Variants in PLPPR1 observed in about 807,000 individuals in gnomAD.
PLPPR1 encodes the protein phospholipid phosphatase related 1.
Under a neutral mutation model 33.1 loss-of-function variants are expected in PLPPR1, and 10 were observed. The observed-to-expected ratio is 0.30, with a 90% confidence interval of 0.19 to 0.51. The LOEUF is 0.51. Ranked by LOEUF, PLPPR1 falls within the 20% of genes least tolerant of loss-of-function variation. The probability of loss-of-function intolerance (pLI) is 0.97; values close to 1 mark genes in which losing one functional copy is unlikely to be tolerated. For missense variants in PLPPR1, 304 were observed against 408.1 expected (o/e 0.74, Z 2.20); for synonymous variants, 151 against 151.0 (o/e 1.00, Z 0.00).
intron 3 of PLPPR1, among the ~76,000 whole-genome samples, chr9:101,275,446 G>T (rs572763304): frequency 2.0e-5 from 3 of 152,322 alleles, no homozygotes; most frequent in Admixed American, 1.3e-4. Flanking sequence ...GGGATAAATC[G>T]CAAAAGGCCA....
rs568654490 is a variant in PLPPR1 at position 101,181,681 on chromosome 9, T to C, written c.-45-3769T>C. Among the ~76,000 whole-genome samples, 154 of 147,716 alleles carry C rather than the reference T, an allele frequency of 1.0e-3. 1 individual carries two copies. Among genetic ancestry groups the C allele is most frequent in the African/African-American group, 3.7e-3 (148 of 40,120 alleles). ...GTATGTATATGTATATATATGTATA[T>C]ACACACACACATACATATATACACA... On this transcript the variant is annotated intron_variant, in intron 1 of 7. Coordinates refer to ENST00000374874, the MANE Select transcript of PLPPR1 (RefSeq NM_207299.2).
intron 1 of PLPPR1, among the ~76,000 whole-genome samples, chr9:101,184,359 T>C (rs575311294): frequency 6.6e-5 from 10 of 151,980 alleles, no homozygotes; most frequent in African/African-American, 2.4e-4. Flanking sequence ...AGTTTCATTC[T>C]GGAAAAGGGC....
At chr9:101,157,252 T>A (rs1445452740) in intron 1 of PLPPR1, among the ~76,000 whole-genome samples, 4 of 152,188 alleles carry the variant, frequency 2.6e-5, no homozygotes, top group Non-Finnish European at 1.5e-5. Context: ...TAAAATTCAC[T>A]TGCCAAGTGA....
chr9:101,316,376 G>T (rs1829049728), intron 6 of PLPPR1, among the ~76,000 whole-genome samples: 1 of 151,930 alleles, frequency 6.6e-6, no homozygotes, highest in Non-Finnish European at 1.5e-5. Flanking sequence ...GGCAGAGCTT[G>T]CAGTGAGCCG....
intron 2 of PLPPR1, among the ~76,000 whole-genome samples, chr9:101,210,140 C>T (rs1347548449): frequency 1.3e-5 from 2 of 152,174 alleles, no homozygotes; most frequent in Non-Finnish European, 2.9e-5. Flanking sequence ...GCTAACACTA[C>T]AAATAGTGGC....
chr9:101,123,448 G>C (rs545736419), intron 1 of PLPPR1, among the ~76,000 whole-genome samples: 1 of 152,230 alleles, frequency 6.6e-6, no homozygotes, highest in African/African-American at 2.4e-5. Flanking sequence ...GGGGTGATCA[G>C]ACCCAACACC....
chr9:101,171,674 G>T (rs1825944047), intron 1 of PLPPR1, among the ~76,000 whole-genome samples: 1 of 152,110 alleles, frequency 6.6e-6, no homozygotes. Context: ...TCATCTATTG[G>T]TGAAATCTAT....
intron 1 of PLPPR1, among the ~76,000 whole-genome samples, chr9:101,176,631 C>T (rs1826023293): frequency 6.6e-6 from 1 of 152,096 alleles, no homozygotes; most frequent in Admixed American, 6.5e-5. Flanking sequence ...TAAGCAATAA[C>T]AAGGGGCCCC....
intron 1 of PLPPR1, among the ~76,000 whole-genome samples, chr9:101,117,435 C>A (rs1831129858): frequency 6.6e-6 from 1 of 152,132 alleles, no homozygotes; most frequent in Admixed American, 6.5e-5. Flanking sequence ...AATGGCATGG[C>A]AATGTCAGGA....
intron 1 of PLPPR1, among the ~76,000 whole-genome samples, chr9:101,060,398 C>T (rs1425890512): frequency 6.6e-6 from 1 of 151,890 alleles, no homozygotes; most frequent in Non-Finnish European, 1.5e-5. Flanking sequence ...ATCTATTGTA[C>T]GTCATAGTGA....
At chr9:101,095,597 T>C (rs143635791) in intron 1 of PLPPR1, among the ~76,000 whole-genome samples, 6 of 152,300 alleles carry the variant, frequency 3.9e-5, no homozygotes, top group Admixed American at 1.3e-4. Flanking sequence ...CATAAAACTT[T>C]CACATAAAAG....
rs570291241 is a variant in PLPPR1, at chr9:101,048,004, C to T, written c.-46+18902C>T. ...GCGGTTTTCCTCAAATTGTGCCATA[C>T]CGGTAGGTGGACCCCAGCCTAGTAT... On this transcript the variant is annotated intron_variant, in intron 1 of 7. Transcript: ENST00000374874. 2.6e-5 allele frequency among the ~76,000 whole-genome samples: 4 copies of T among 152,260 alleles called. No individual in the cohort carries two copies. In the East Asian group the frequency reaches 7.7e-4, roughly 29 times the overall value.
intron 4 of PLPPR1, among the ~76,000 whole-genome samples, chr9:101,308,125 T>G (rs1828887592): frequency 6.6e-6 from 1 of 152,152 alleles, no homozygotes; most frequent in African/African-American, 2.4e-5. Context: ...CAAAGGATGA[T>G]CATGTCCCTG....
At chr9:101,210,345 AG>A in intron 2 of PLPPR1, among the ~76,000 whole-genome samples, 1 of 152,210 alleles carries the variant, frequency 6.6e-6, no homozygotes, top group East Asian at 1.9e-4. Context: ...TCCTTAATCC[AG>A]GGGCTCAGGG....
intron 1 of PLPPR1, among the ~76,000 whole-genome samples, chr9:101,042,800 A>G (rs1276464154): frequency 1.3e-5 from 2 of 152,160 alleles, no homozygotes; most frequent in Non-Finnish European, 2.9e-5. Context: ...TAATTGTTTG[A>G]TTATTATAGG....
In PLPPR1 at chr9:101,130,411, G is replaced by A. The variant is rs569804851; in HGVS notation, c.-45-55039G>A. ...AAAGTTACTCAGCATCCCTACACCT[G>A]TTTTCTCTTCCATAAAATGGAGCTA... On this transcript the variant is annotated intron_variant, in intron 1 of 7. Transcript: ENST00000374874. Among the ~76,000 whole-genome samples the A allele has an allele frequency of 3.3e-5, 5 of 152,194 alleles. No homozygotes were observed. In the South Asian group the frequency reaches 1.0e-3, roughly 32 times the overall value.
intron 1 of PLPPR1, among the ~76,000 whole-genome samples, chr9:101,162,068 T>G (rs528299993): frequency 4.0e-5 from 6 of 151,324 alleles, no homozygotes; most frequent in African/African-American, 1.5e-4. Flanking sequence ...CTGAGGCAAG[T>G]TACTTAACCT....
chr9:101,169,011 A>G (rs1825900128), intron 1 of PLPPR1, among the ~76,000 whole-genome samples: 1 of 152,198 alleles, frequency 6.6e-6, no homozygotes, highest in South Asian at 2.1e-4. Flanking sequence ...TTGAAATTTT[A>G]TAACCAAAGC....
intron 1 of PLPPR1, among the ~76,000 whole-genome samples, chr9:101,123,023 A>G (rs1831195675): frequency 1.3e-5 from 2 of 152,214 alleles, no homozygotes; most frequent in South Asian, 4.1e-4. Flanking sequence ...GGTATGGTAG[A>G]TTCACCTGGG....
Sources: allele counts gnomAD v4.1 joint callset (sites outside exome capture counted in the v4.1 genomes callset), GRCh38; gene constraint gnomAD v4.1.1; transcripts MANE v1.5; gene names NCBI Gene and HGNC (gene_info 2026-07-23, HGNC 2026-07-21).